EDARADD: variants seen among roughly 807,000 people sequenced by gnomAD.
The protein encoded by EDARADD is ectodysplasin-A receptor-associated adapter protein.
A neutral mutation model predicts 25.6 loss-of-function variants in EDARADD; 20 were observed. The observed-to-expected ratio is 0.78, with a 90% CI of 0.55 to 1.14. EDARADD has a LOEUF of 1.14. Among genes scored for constraint, EDARADD ranks in the 50% most tolerant of loss-of-function variants. EDARADD has a pLI of 0.00. For synonymous variants in EDARADD, 86 were observed against 94.4 expected (o/e 0.91, Z 0.52); for missense variants, 225 against 270.1 (o/e 0.83, Z 1.17).
At position 236,395,683 on chromosome 1, in the gene EDARADD, C is replaced by T. The variant is rs1359475808; in HGVS notation, c.61+1178C>T. The T allele has an allele frequency of 1.9e-6, 3 of 1,559,878 alleles. No homozygotes were observed. The African/African-American group carries it at 4.1e-5, about 21-fold the overall frequency. ...CAGGTAAAGGGACACAGCGCCGCGC[C>T]CGCTCCTGGAGCGAGCACCGCGGGG... On this transcript the variant is annotated intron_variant, in intron 1 of 5. Coordinates refer to ENST00000334232, the MANE Select transcript of EDARADD (RefSeq NM_145861.4). This position sits in a 1 kb window ranked among gnomAD's most constrained non-coding sequence, Gnocchi z 6.9.
chr1:236,369,839 A>G (rs1221951358), intron 3 of EDARADD, among the ~76,000 whole-genome samples: 3 of 140,500 alleles, frequency 2.1e-5, no homozygotes. Flanking sequence ...CTCTGTCTCA[A>G]TAAAAACCAA....
chr1:236,454,365 G>A (rs768343975), intron 4 of EDARADD, among the ~76,000 whole-genome samples: 23 of 152,154 alleles, frequency 1.5e-4, no homozygotes, highest in Admixed American at 7.2e-4. Flanking sequence ...TGTATCTTCA[G>A]TGGGACACGC....
At chr1:236,442,761 G>C (rs1035160416) in intron 4 of EDARADD, among the ~76,000 whole-genome samples, 9 of 152,150 alleles carry the variant, frequency 5.9e-5, no homozygotes, top group Non-Finnish European at 1.2e-4. Context: ...ACTGTTCATT[G>C]ACGATGTTCC....
At chr1:236,471,725 G>A (rs1659365652) in intron 5 of EDARADD, among the ~76,000 whole-genome samples, 1 of 152,106 alleles carries the variant, frequency 6.6e-6, no homozygotes, top group South Asian at 2.1e-4. Context: ...CAAATGATCT[G>A]AGAGCTAACA....
rs1219025459 is a variant in EDARADD at position 236,447,159 on chromosome 1, TCC to T, written c.219+19711_219+19712del. ...TCTCTTTCCTTCCTTCCTTCCTCCC[TCC>T]CTCCCTCCCTCTTTCTTTCTTTCTT... is the stretch of plus-strand genomic sequence containing the variant. On this transcript the variant is annotated intron_variant, in intron 4 of 5. Coordinates refer to ENST00000334232, the MANE Select transcript of EDARADD (RefSeq NM_145861.4). Among the ~76,000 whole-genome samples, 234 of 126,456 alleles carry T rather than the reference TCC, an allele frequency of 1.9e-3. 4 individuals carry two copies. The highest frequency in any genetic ancestry group is 7.0e-3 in the African/African-American group (214 of 30,444). 83.0% of individuals were successfully genotyped at this position (126,456 alleles called of 152,430 possible).
At chr1:236,413,011 G>T (rs528550754) in intron 2 of EDARADD, among the ~76,000 whole-genome samples, 3 of 152,132 alleles carry the variant, frequency 2.0e-5, no homozygotes, top group South Asian at 2.1e-4. Context: ...TTACAGGCAC[G>T]GGCCACCATG....
intron 3 of EDARADD, among the ~76,000 whole-genome samples, chr1:236,354,871 A>G (rs1444805231): frequency 6.6e-6 from 1 of 152,220 alleles, no homozygotes; most frequent in Non-Finnish European, 1.5e-5. Flanking sequence ...TGGGATGGAT[A>G]TTACATATAT....
Position 236,484,841 on chromosome 1 carries a change from TGGC to T in EDARADD, c.*2193_*2195del, listed in dbSNP as rs1659788519. The T allele has an allele frequency of 6.0e-6, 1 of 166,192 alleles. No homozygotes were observed. The highest frequency in any genetic ancestry group is 2.4e-5 in the African/African-American group (1 of 41,520). 10.3% of individuals were successfully genotyped at this position (166,192 alleles called of 1,614,324 possible). Reference sequence around the variant, plus strand: ...TGACCCTCCAGTGTCATCTCCGGGGTGGCCACAGGCAAGATCCCCAGTGATTTT... The same window carrying T: ...TGACCCTCCAGTGTCATCTCCGGGGTCACAGGCAAGATCCCCAGTGATTTT... On this transcript the variant is annotated 3_prime_UTR_variant, in exon 6 of 6. Coordinates refer to ENST00000334232, the MANE Select transcript of EDARADD (RefSeq NM_145861.4). This position sits in a 1 kb window ranked among gnomAD's most constrained non-coding sequence, Gnocchi z 4.1.
At chr1:236,385,408 CAAAA>C (rs1164948283) in intron 3 of EDARADD, among the ~76,000 whole-genome samples, 4 of 35,404 alleles carry the variant, frequency 1.1e-4, no homozygotes, top group African/African-American at 3.3e-4. Context: ...GACTCCATCT[CAAAA>C]AAAAAAAAAA....
At chr1:236,420,061 C>T (rs187721049) in intron 3 of EDARADD, among the ~76,000 whole-genome samples, 5 of 152,236 alleles carry the variant, frequency 3.3e-5, no homozygotes, top group Admixed American at 3.3e-4. Context: ...TGGCACGCAC[C>T]TGTAATCCCA....
chr1:236,455,816 G>C (rs1658843963), intron 4 of EDARADD, among the ~76,000 whole-genome samples: 1 of 152,174 alleles, frequency 6.6e-6, no homozygotes, highest in South Asian at 2.1e-4. Context: ...TTGAGACGGA[G>C]TCTCGCTCTG....
chr1:236,373,029 C>T (rs1265947457), intron 3 of EDARADD, among the ~76,000 whole-genome samples: 1 of 149,718 alleles, frequency 6.7e-6, no homozygotes, highest in East Asian at 2.0e-4. Context: ...CATTCTCCTG[C>T]CTCAGCCTCC....
At chr1:236,441,084 T>C (rs1211589064) in intron 4 of EDARADD, among the ~76,000 whole-genome samples, 2 of 151,890 alleles carry the variant, frequency 1.3e-5, no homozygotes, top group African/African-American at 4.8e-5. Flanking sequence ...AGAGAAGTTT[T>C]TGAAGGAAAT....
At chr1:236,481,457 A>G (rs1659668091) in intron 5 of EDARADD, among the ~76,000 whole-genome samples, 2 of 151,982 alleles carry the variant, frequency 1.3e-5, no homozygotes, top group African/African-American at 4.8e-5. Flanking sequence ...AAAGCAATTC[A>G]TCTTTGGCTA....
chr1:236,481,297 C>A (rs1012495603), intron 5 of EDARADD, among the ~76,000 whole-genome samples: 3 of 152,128 alleles, frequency 2.0e-5, no homozygotes, highest in Non-Finnish European at 4.4e-5. Context: ...GCTGGTTACT[C>A]ACAGACACAG....
intron 1 of EDARADD, among the ~76,000 whole-genome samples, chr1:236,396,331 G>C (rs1478095828): frequency 6.6e-6 from 1 of 152,114 alleles, no homozygotes; most frequent in East Asian, 1.9e-4. Context: ...TCGCTTTCCT[G>C]GAGTTCTCTC....
chr1:236,355,502 T>TC (rs914576201), intron 3 of EDARADD, among the ~76,000 whole-genome samples: 2 of 63,668 alleles, frequency 3.1e-5, no homozygotes, highest in Non-Finnish European at 5.9e-5. Flanking sequence ...TTCTTCTTCT[T>TC]TTTTTTTTTT....
rs547817827 is a variant in EDARADD, at chr1:236,423,826, C to T, written c.161-3566C>T. On this transcript the variant is annotated intron_variant, in intron 3 of 5. Transcript: ENST00000334232. The stretch of plus-strand genomic sequence containing the variant: ...CAGCAGTAAAAGTGTAGTAATCTGG[C>T]TAGATGCGGTGGCTCACACCTGTAA... Among the ~76,000 whole-genome samples, 4 of 152,282 alleles carry T rather than the reference C, an allele frequency of 2.6e-5. No individual in the cohort carries two copies. In the South Asian group the frequency reaches 8.3e-4, roughly 32 times the overall value.
chr1:236,444,122 G>A (rs576293606), intron 4 of EDARADD, among the ~76,000 whole-genome samples: 3 of 152,108 alleles, frequency 2.0e-5, no homozygotes, highest in African/African-American at 4.8e-5. Context: ...TTTTTAAGAC[G>A]TACTTTTTTA....
Sources: gnomAD v4.1 joint callset for allele counts (sites outside exome capture counted in the v4.1 genomes callset) on GRCh38, gnomAD v4.1.1 for gene constraint, Gnocchi (gnomAD v3.1) non-coding constraint, MANE v1.5 for transcripts, NCBI Gene and HGNC (gene_info 2026-07-23, HGNC 2026-07-21) for gene names.